The following CDH23 variants were observed in gnomAD, a reference collection of about 807,000 sequenced individuals.
CDH23 encodes cadherin-23.
Under a neutral mutation model 317.1 loss-of-function variants are expected in CDH23, and 189 were observed. The observed-to-expected ratio is 0.60, with a 90% CI of 0.53 to 0.67. The LOEUF is 0.67. Ranked by LOEUF, CDH23 falls within the 30% of genes least tolerant of loss-of-function variation. CDH23 has a pLI of 0.00. For synonymous variants in CDH23, 1,839 were observed against 1,876.8 expected, an observed-to-expected ratio of 0.98 and a Z score of 0.52; for missense variants, 4,401 against 4,592.4, an observed-to-expected ratio of 0.96 and a Z score of 1.20.
chr10:71,576,180 G>A (rs1050806026), intron 8 of CDH23, among the ~76,000 whole-genome samples: 11 of 152,178 alleles, frequency 7.2e-5, no homozygotes, highest in African/African-American at 1.7e-4. Context: ...CAGCCCCCTC[G>A]TGTCTCCCCC....
chr10:71,731,577 G>A (rs1011309638), intron 31 of CDH23, among the ~76,000 whole-genome samples: 4 of 152,186 alleles, frequency 2.6e-5, no homozygotes, highest in Non-Finnish European at 5.9e-5. Flanking sequence ...AAGCCCTTCT[G>A]TCGAAGGGAC....
At chr10:71,573,616 G>A (rs753810045) in intron 8 of CDH23, among the ~76,000 whole-genome samples, 3 of 152,286 alleles carry the variant, frequency 2.0e-5, no homozygotes, top group East Asian at 3.9e-4. Context: ...TCTCTCAGAC[G>A]CAAGGATCTT....
chr10:71,537,732 C>T (rs958423616), intron 6 of CDH23, among the ~76,000 whole-genome samples: 1 of 152,202 alleles, frequency 6.6e-6, no homozygotes, highest in African/African-American at 2.4e-5. Flanking sequence ...GGCCCCAAAT[C>T]GACAGTGACA....
intron 40 of CDH23, 82 bp from the exon 41 acceptor site, chr10:71,779,185 T>C: frequency 7.6e-7 from 1 of 1,320,468 alleles, no homozygotes; most frequent in South Asian, 1.2e-5. Context: ...AATTATCAGG[T>C]CCATTTCACA....
intron 30 of CDH23, 105 bp downstream of exon 30, chr10:71,725,625 C>T: frequency 2.3e-6 from 3 of 1,312,018 alleles, no homozygotes; most frequent in Non-Finnish European, 3.1e-6. Flanking sequence ...AGGGCCACCA[C>T]TGATTTAGGT....
chr10:71,661,887 C>T (rs1315206920), intron 14 of CDH23, among the ~76,000 whole-genome samples: 2 of 106,106 alleles, frequency 1.9e-5, no homozygotes, highest in Admixed American at 9.2e-5. Flanking sequence ...CCACCCAGCG[C>T]GCCCCCTCCC....
Position 71,682,429 on chromosome 10 carries a change from G to A in CDH23, c.1859-16G>A, listed in dbSNP as rs368339053. ...GTCTGCTTACAGAGGGATCTGGCCT[G>A]TTCCTGTCATTGCAGTGATCAGCGT... is the stretch of plus-strand genomic sequence containing the variant. On this transcript the variant is annotated splice_polypyrimidine_tract_variant and intron_variant, in intron 17 of 69. Coordinates refer to ENST00000224721, the MANE Select transcript of CDH23 (RefSeq NM_022124.6). The A allele has an allele frequency of 6.2e-7, 1 of 1,610,450 alleles. No individual in the cohort carries two copies. The highest frequency in any genetic ancestry group is 2.2e-5 in the East Asian group (1 of 44,822).
At chr10:71,500,807 T>G (rs1853272363) in intron 3 of CDH23, among the ~76,000 whole-genome samples, 1 of 145,680 alleles carries the variant, frequency 6.9e-6, no homozygotes, top group Admixed American at 6.8e-5. Context: ...TTCTTTTCTT[T>G]TCTTTTCTTT....
chr10:71,752,913 A>G, intron 38 of CDH23: 1 of 1,584,146 alleles, frequency 6.3e-7, no homozygotes, highest in Non-Finnish European at 8.6e-7. Flanking sequence ...ACTGCACAGA[A>G]GTATCTCTTC....
At position 71,759,864 on chromosome 10, in the gene CDH23, CAT is replaced by C. The variant is rs1300561159; in HGVS notation, c.4846-17808_4846-17807del. On this transcript the variant is annotated intron_variant, in intron 38 of 69. Coordinates refer to ENST00000224721, the MANE Select transcript of CDH23 (RefSeq NM_022124.6). The stretch of plus-strand genomic sequence containing the variant: ...ACACACACATATACACACACACACA[CAT>C]ATATATACACACACACACATATACA... Among the ~76,000 whole-genome samples, 148 of 102,070 alleles carry C rather than the reference CAT, an allele frequency of 1.4e-3. 7 individuals carry two copies. Among genetic ancestry groups the C allele is most frequent in the South Asian group, 2.2e-3 (7 of 3,130 alleles). The allele number at this position is 102,070 out of a possible 152,430, so 67.0% of individuals were successfully genotyped here.
At chr10:71,715,286 G>A (rs1419159504) in intron 28 of CDH23, 2 of 152,222 alleles carry the variant, frequency 1.3e-5, no homozygotes, top group Non-Finnish European at 2.9e-5. Context: ...CCTGAAGAGG[G>A]GCCACCAAGA....
At chr10:71,757,422 G>A (rs1023409580) in intron 38 of CDH23, among the ~76,000 whole-genome samples, 3 of 152,212 alleles carry the variant, frequency 2.0e-5, no homozygotes, top group African/African-American at 4.8e-5. Flanking sequence ...GCAGAGGGGC[G>A]CAGAGGTTTG....
intron 16 of CDH23, among the ~76,000 whole-genome samples, chr10:71,678,102 G>C (rs1864451140): frequency 6.6e-6 from 1 of 152,182 alleles, no homozygotes; most frequent in African/African-American, 2.4e-5. Flanking sequence ...CACAGTGTCT[G>C]TCTCAGCTTA....
At chr10:71,744,607 C>T (rs1409651093) in intron 38 of CDH23, among the ~76,000 whole-genome samples, 2 of 152,228 alleles carry the variant, frequency 1.3e-5, no homozygotes, top group African/African-American at 4.8e-5. Context: ...TCCCACCTCA[C>T]ATGTCAGCCC....
rs765847681 is a variant in CDH23, at chr10:71,709,127, G to C, written c.3136G>C (p.Gly1046Arg). ...CAACGTGGATGGGAAGTTCAGCGTG[G>C]GTTACCGCGATGCCGTTGTGAGAAC... Reference protein sequence around the residue: ...GGNVDGKFSVGYRDAVVRTVV... With the variant: ...GGNVDGKFSVRYRDAVVRTVV... Residue 1046 changes from glycine (G) to arginine (R), a missense_variant, in exon 27 of 70, where the codon GGT becomes CGT. Coordinates refer to ENST00000224721, the MANE Select transcript of CDH23 (RefSeq NM_022124.6). The C allele has an allele frequency of 6.2e-7, 1 of 1,613,962 alleles. No homozygotes were observed. The highest frequency in any genetic ancestry group is 1.1e-5 in the South Asian group (1 of 91,090).
chr10:71,791,200 C>T lies in CDH23; in HGVS notation c.6118C>T (p.Leu2040=), dbSNP rs947653083. 3 of 1,613,522 alleles carry T rather than the reference C, an allele frequency of 1.9e-6. No individual in the cohort carries two copies. Among genetic ancestry groups the T allele is most frequent in the Non-Finnish European group, 2.5e-6 (3 of 1,179,710 alleles). Residue 2040 remains leucine (L), a synonymous_variant, in exon 47 of 70, where the codon CTG becomes TTG. Coordinates refer to ENST00000224721, the MANE Select transcript of CDH23 (RefSeq NM_022124.6). Reference sequence around the variant, plus strand: ...ATTCTCGCCACCCATCCTGGAGCTGCTGCTGCTGGCTGAGGACATCGGGCT... The same window carrying T: ...ATTCTCGCCACCCATCCTGGAGCTGTTGCTGCTGGCTGAGGACATCGGGCT... ...EAFSPPILEL[L]LLAEDIGLLN... is the part of the protein sequence containing the mutation.
At chr10:71,567,969 G>A (rs1246782913) in intron 7 of CDH23, among the ~76,000 whole-genome samples, 2 of 152,230 alleles carry the variant, frequency 1.3e-5, no homozygotes, top group East Asian at 1.9e-4. Context: ...TGCCGGCAGC[G>A]CTGGGGGGCT....
chr10:71,579,098 G>T (rs1858445804), intron 9 of CDH23, among the ~76,000 whole-genome samples: 1 of 152,146 alleles, frequency 6.6e-6, no homozygotes, highest in Non-Finnish European at 1.5e-5. Flanking sequence ...CATATAAAGG[G>T]CTTAGTTAAC....
chr10:71,770,788 C>T (rs988847586), intron 38 of CDH23, among the ~76,000 whole-genome samples: 3 of 152,162 alleles, frequency 2.0e-5, no homozygotes, highest in Non-Finnish European at 2.9e-5. Context: ...CAGACCCCAG[C>T]GGAACCTTTG....
Sources: gnomAD v4.1 joint callset for allele counts (sites outside exome capture counted in the v4.1 genomes callset) on GRCh38, gnomAD v4.1.1 for gene constraint, MANE v1.5 for transcripts, NCBI Gene and HGNC (gene_info 2026-07-23, HGNC 2026-07-21) for gene names.